RAB11FIP2: variants seen among roughly 807,000 people sequenced by gnomAD.
RAB11FIP2 encodes rab11 family-interacting protein 2.
In RAB11FIP2, 16 loss-of-function variants were observed where a neutral mutation model predicts 40.9. The ratio of observed to expected loss-of-function variants is 0.39; its 90% CI spans 0.26 to 0.59. RAB11FIP2 has a LOEUF of 0.59. Among genes scored for constraint, RAB11FIP2 ranks in the 20% least tolerant of loss-of-function variants. The pLI is 0.53. For synonymous variants in RAB11FIP2, 228 were observed against 213.7 expected, an observed-to-expected ratio of 1.07 and a Z score of -0.58; for missense variants, 532 against 606.2, an observed-to-expected ratio of 0.88 and a Z score of 1.28.
rs1270980841 is a variant in RAB11FIP2, at chr10:118,040,330, T to C, written c.589A>G (p.Asn197Asp). 5.6e-6 allele frequency: 9 copies of C among 1,613,814 alleles called. No individual in the cohort carries two copies. The highest frequency in any genetic ancestry group is 1.7e-5 in the Admixed American group (1 of 59,986). Residue 197 changes from asparagine to aspartate, a missense_variant, in exon 2 of 5, where the codon AAT becomes GAT. Asn to Asp is a conservative substitution (Grantham distance 23, BLOSUM62 1). Transcript: ENST00000355624. ...IIPSTHMPDANSEFSSGEIQM... is the reference protein window; with the variant it reads ...IIPSTHMPDADSEFSSGEIQM... ...ATTTCACCACTTGAAAATTCACTATTGGCATCGGGCATGTGAGTACTTGGA... is the reference window on the plus strand; with the variant it reads ...ATTTCACCACTTGAAAATTCACTATCGGCATCGGGCATGTGAGTACTTGGA...
At chr10:118,040,659 T>G in intron 1 of RAB11FIP2, 94 bp from the exon 2 acceptor site, 2 of 904,056 alleles carry the variant, frequency 2.2e-6, no homozygotes, top group East Asian at 5.3e-5. Flanking sequence ...GTAAAGTAAC[T>G]ATACATCAAG....
At position 118,009,096 on chromosome 10, in the gene RAB11FIP2, T is replaced by C; in HGVS notation, c.1441A>G (p.Ile481Val). The stretch of plus-strand genomic sequence containing the variant: ...ATTACCCTTACAAGGAGGTTGTCGA[T>C]GTAGTCCTCGAGTTCCCGGATGTGG... ...DTHIRELEDY[I>V]DNLLVRVMEE... Residue 481 changes from isoleucine (I) to valine (V), a missense_variant, in exon 5 of 5, where the codon ATC becomes GTC. Coordinates refer to ENST00000355624, the MANE Select transcript of RAB11FIP2 (RefSeq NM_014904.3). 6.2e-7 allele frequency: 1 copy of C among 1,613,642 alleles called. No homozygotes were observed. Among genetic ancestry groups the C allele is most frequent in the Non-Finnish European group, 8.5e-7 (1 of 1,179,606 alleles).
chr10:118,031,401 C>T (rs1304432403), intron 3 of RAB11FIP2, among the ~76,000 whole-genome samples: 2 of 152,020 alleles, frequency 1.3e-5, no homozygotes, highest in Admixed American at 6.6e-5. Context: ...ACATGTTACA[C>T]AATTTCATAA....
chr10:118,039,535 A>G (rs1462474216), intron 2 of RAB11FIP2, 95 bp from the exon 3 acceptor site: 20 of 1,044,928 alleles, frequency 1.9e-5, no homozygotes, highest in Non-Finnish European at 2.6e-5. Context: ...TTAGAATGAG[A>G]GCAATTAGCC....
Position 118,008,889 on chromosome 10 carries a change from T to C in RAB11FIP2, c.*109A>G. 1 of 853,936 alleles carries C rather than the reference T, an allele frequency of 1.2e-6. No homozygotes were observed. Among genetic ancestry groups the C allele is most frequent in the Non-Finnish European group, 1.9e-6 (1 of 539,474 alleles). 52.9% of individuals were successfully genotyped at this position (853,936 alleles called of 1,614,324 possible). On this transcript the variant is annotated 3_prime_UTR_variant, in exon 5 of 5. Transcript: ENST00000355624. ...AACTACTCTTCACAATAAAGGAGAA[T>C]ATGTAATGAAACCTGATAGTGTAGT...
intron 3 of RAB11FIP2, among the ~76,000 whole-genome samples, chr10:118,016,858 C>T (rs1473014357): frequency 6.6e-6 from 1 of 152,146 alleles, no homozygotes; most frequent in Non-Finnish European, 1.5e-5. Context: ...GTATCTACCA[C>T]ATAAGACTCC....
At chr10:118,045,410 C>T (rs1846616088) in intron 1 of RAB11FIP2, 1 of 171,606 alleles carries the variant, frequency 5.8e-6, no homozygotes, top group Admixed American at 5.8e-5. Context: ...AAGTGCGACA[C>T]ATCAACATTA....
At chr10:118,015,021 C>A in intron 4 of RAB11FIP2, 44 bp downstream of exon 4, 2 of 1,515,764 alleles carry the variant, frequency 1.3e-6, no homozygotes. Flanking sequence ...GAGAAAAAGA[C>A]CAGCTTACTC....
intron 4 of RAB11FIP2, among the ~76,000 whole-genome samples, chr10:118,012,320 T>C (rs1846167707): frequency 1.3e-5 from 2 of 151,950 alleles, no homozygotes; most frequent in Admixed American, 1.3e-4. Context: ...TGTCCTTTTA[T>C]GTGAAAATTT....
At chr10:118,044,291 A>G (rs1428488988) in intron 1 of RAB11FIP2, among the ~76,000 whole-genome samples, 1 of 152,208 alleles carries the variant, frequency 6.6e-6, no homozygotes, top group African/African-American at 2.4e-5. Flanking sequence ...CATGAATATT[A>G]AAGTACTATA....
intron 3 of RAB11FIP2, among the ~76,000 whole-genome samples, chr10:118,024,879 C>A (rs139399264): frequency 5.9e-5 from 9 of 152,256 alleles, no homozygotes; most frequent in East Asian, 1.9e-4. Context: ...TAAGAACAGC[C>A]TGCAATGAAG....
chr10:118,030,710 C>G (rs1846402836), intron 3 of RAB11FIP2, among the ~76,000 whole-genome samples: 1 of 151,272 alleles, frequency 6.6e-6, no homozygotes, highest in Non-Finnish European at 1.5e-5. Context: ...AAAAAAAAAC[C>G]AGCAAAGTTT....
intron 3 of RAB11FIP2, among the ~76,000 whole-genome samples, chr10:118,036,391 C>G (rs937605925): frequency 6.6e-6 from 1 of 152,000 alleles, no homozygotes; most frequent in Non-Finnish European, 1.5e-5. Flanking sequence ...AAAGTGCATT[C>G]GGTTAGGATG....
At chr10:118,038,854 A>G in intron 3 of RAB11FIP2, 118 bp downstream of exon 3, 1 of 743,462 alleles carries the variant, frequency 1.3e-6, no homozygotes, top group Non-Finnish European at 2.1e-6. Flanking sequence ...TACAAATAAA[A>G]ATGTTTTTCA....
chr10:118,019,005 C>A (rs1846252927), intron 3 of RAB11FIP2, among the ~76,000 whole-genome samples: 1 of 149,956 alleles, frequency 6.7e-6, no homozygotes. Flanking sequence ...AAAAAGTGTA[C>A]AGTGCTTGCA....
At position 118,046,209 on chromosome 10, in the gene RAB11FIP2, C is replaced by T. The variant is rs1157669339; in HGVS notation, c.-46G>A. 5.9e-6 allele frequency: 9 copies of T among 1,526,306 alleles called. No homozygotes were observed. In the Admixed American group the frequency reaches 1.2e-4, roughly 21 times the overall value. 94.5% of individuals were successfully genotyped at this position (1,526,306 alleles called of 1,614,324 possible). ...CCGAGTTCCCTAGCACAGGCAGTGC[C>T]CCTCCCGGAGGGAGAGCCTAATTCC... On this transcript the variant is annotated 5_prime_UTR_variant, in exon 1 of 5. Transcript: ENST00000355624.
intron 3 of RAB11FIP2, among the ~76,000 whole-genome samples, chr10:118,037,551 A>G (rs1369593759): frequency 6.6e-6 from 1 of 152,036 alleles, no homozygotes; most frequent in Non-Finnish European, 1.5e-5. Flanking sequence ...TGTAGTCACC[A>G]TTTATGGATT....
chr10:118,036,648 G>A (rs932941061), intron 3 of RAB11FIP2, among the ~76,000 whole-genome samples: 3 of 152,040 alleles, frequency 2.0e-5, no homozygotes, highest in Non-Finnish European at 4.4e-5. Flanking sequence ...TTTACCACAC[G>A]GATGGTTTGT....
Position 118,042,407 on chromosome 10 carries a change from C to T in RAB11FIP2, c.354-1842G>A, listed in dbSNP as rs574090191. On this transcript the variant is annotated intron_variant, in intron 1 of 4. Coordinates refer to ENST00000355624, the MANE Select transcript of RAB11FIP2 (RefSeq NM_014904.3). ...GGCACAAGGAATGATATGTAACTTC[C>T]CAATGTCAGATTAAAGTCAATAAAG... 2.6e-5 allele frequency among the ~76,000 whole-genome samples: 4 copies of T among 152,068 alleles called. No individual in the cohort carries two copies. In the East Asian group the frequency reaches 5.8e-4, roughly 22 times the overall value.
Sources: allele counts gnomAD v4.1 joint callset (sites outside exome capture counted in the v4.1 genomes callset), GRCh38; gene constraint gnomAD v4.1.1; transcripts MANE v1.5; gene names NCBI Gene and HGNC (gene_info 2026-07-23, HGNC 2026-07-21).